The following GAREM2 variants were observed in gnomAD, a reference collection of about 807,000 sequenced individuals.
GAREM2 encodes GRB2 associated regulator of MAPK1 subtype 2.
In GAREM2, 30 loss-of-function variants were observed where a neutral mutation model predicts 55.6. That is an observed-to-expected ratio of 0.54 (90% CI 0.40 to 0.73). GAREM2 has a LOEUF of 0.73. GAREM2 is among the 30% of genes least tolerant of loss of function. The pLI is 0.00. For missense variants in GAREM2, 1,075 were observed against 1,257.7 expected, an observed-to-expected ratio of 0.85 and a Z score of 2.20; for synonymous variants, 550 against 569.1, an observed-to-expected ratio of 0.97 and a Z score of 0.48.
chr2:26,183,887 T>C (rs922681769), intron 3 of GAREM2, among the ~76,000 whole-genome samples: 3 of 152,240 alleles, frequency 2.0e-5, no homozygotes, highest in Non-Finnish European at 2.9e-5. Context: ...AAGACAATGA[T>C]GATAAAAGTC....
chr2:26,194,617 T>C (rs772974748), downstream of GAREM2: 1 of 1,610,696 alleles, frequency 6.2e-7, no homozygotes, highest in Non-Finnish European at 8.5e-7. Flanking sequence ...AGACACCTGG[T>C]AGTATAGAAG....
chr2:26,185,683 T>A (rs931292356), intron 4 of GAREM2, among the ~76,000 whole-genome samples: 3 of 152,246 alleles, frequency 2.0e-5, no homozygotes, highest in Non-Finnish European at 2.9e-5. Context: ...ATTGGTAGAT[T>A]AAAGGCTCTG....
At chr2:26,177,939 T>A (rs950621363) in intron 2 of GAREM2, among the ~76,000 whole-genome samples, 1 of 152,192 alleles carries the variant, frequency 6.6e-6, no homozygotes, top group African/African-American at 2.4e-5. Flanking sequence ...GTTCTGTGTT[T>A]TTAACTGCTG....
intron 2 of GAREM2, among the ~76,000 whole-genome samples, chr2:26,180,269 C>T (rs953438907): frequency 2.0e-5 from 3 of 152,190 alleles, no homozygotes; most frequent in Non-Finnish European, 4.4e-5. Flanking sequence ...CTGGGTCTCT[C>T]GCTGGGTTTA....
intron 1 of GAREM2, 25 bp from the exon 2 acceptor site, chr2:26,176,319 C>T (rs553375469): frequency 1.3e-6 from 2 of 1,506,968 alleles, no homozygotes; most frequent in African/African-American, 2.8e-5. Flanking sequence ...TTCCCCTCAT[C>T]CTCTGTCCTC....
chr2:26,184,357 G>T lies in GAREM2; in HGVS notation c.509G>T (p.Arg170Leu). 1 of 1,547,874 alleles carries T rather than the reference G, an allele frequency of 6.5e-7. No homozygotes were observed. Among genetic ancestry groups the T allele is most frequent in the South Asian group, 1.2e-5 (1 of 84,022 alleles). ...LCAKTTKERSRFTTLLRKLGR... is the reference protein window; with the variant it reads ...LCAKTTKERSLFTTLLRKLGR... ...GCCAAGACCACCAAGGAGCGCTCGC[G>T]CTTCACCACCCTCCTGCGAAAGCTG... The change falls in exon 4 of 6, where the codon CGC becomes CTC. Residue 170 changes from arginine (R) to leucine (L), a missense_variant. Arg to Leu is a moderately radical substitution (Grantham distance 102). Around this residue, in one of 6 missense-constraint regions of GAREM2, gnomAD observed 230 missense variants for 310.6 expected, o/e 0.74. Coordinates refer to ENST00000401533, the MANE Select transcript of GAREM2 (RefSeq NM_001168241.2).
chr2:26,203,084 T>G, the GAREM2 span, among the ~76,000 whole-genome samples: 1 of 152,228 alleles, frequency 6.6e-6, no homozygotes, highest in Non-Finnish European at 1.5e-5. Context: ...GCATGCTAGT[T>G]TCAGGGCACT....
At chr2:26,195,416 C>T in the GAREM2 span, among the ~76,000 whole-genome samples, 1 of 152,036 alleles carries the variant, frequency 6.6e-6, no homozygotes, top group Non-Finnish European at 1.5e-5. Context: ...AGGGAGAGCA[C>T]ATTGGAATCC....
At chr2:26,180,272 T>C (rs543937783) in intron 2 of GAREM2, among the ~76,000 whole-genome samples, 1 of 152,334 alleles carries the variant, frequency 6.6e-6, no homozygotes, top group South Asian at 2.1e-4. Flanking sequence ...GGTCTCTCGC[T>C]GGGTTTAGGG....
In GAREM2 at chr2:26,187,461, G is replaced by A; in HGVS notation, c.1829G>A (p.Ser610Asn). Residue 610 changes from serine to asparagine, a missense_variant, in exon 6 of 6, where the codon AGC (serine) becomes AAC (asparagine). Physicochemically the swap from Ser to Asn is conservative, Grantham distance 46 (BLOSUM62 1). Transcript: ENST00000401533. ...GADTPVKTYH[S>N]CPPLFKPSHP... ...GACACCCCTGTTAAGACCTACCACA[G>A]CTGCCCTCCTCTATTCAAGCCCTCA... 6.5e-7 allele frequency: 1 copy of A among 1,548,280 alleles called. No individual in the cohort carries two copies. Among genetic ancestry groups the A allele is most frequent in the Non-Finnish European group, 8.7e-7 (1 of 1,145,440 alleles).
intron 1 of GAREM2, among the ~76,000 whole-genome samples, chr2:26,175,973 G>A (rs111530518): frequency 0.052 from 7,917 of 152,294 alleles, 284 homozygotes; most frequent in Non-Finnish European, 0.073. Context: ...AACTTGCCTA[G>A]TCTCTGGTAC....
the GAREM2 span, chr2:26,197,566 A>T: frequency 2.8e-6 from 2 of 718,702 alleles, no homozygotes; most frequent in Non-Finnish European, 5.1e-6. Context: ...TATTGTGTCC[A>T]GTGTTTAGGA....
In GAREM2 at chr2:26,186,365, C is replaced by T. The variant is rs777424902; in HGVS notation, c.1598+7C>T. On this transcript the variant is annotated splice_region_variant and intron_variant, in intron 5 of 5. Transcript: ENST00000401533. Reference sequence around the variant, plus strand: ...CCTCTGGCCTCCAGGATGGGTGAGTCCCTGCCTTCCCTTGGTCCTGAGTTC... The same window carrying T: ...CCTCTGGCCTCCAGGATGGGTGAGTTCCTGCCTTCCCTTGGTCCTGAGTTC... The T allele has an allele frequency of 3.0e-5, 46 of 1,551,260 alleles. No individual in the cohort carries two copies. The highest frequency in any genetic ancestry group is 4.0e-5 in the Non-Finnish European group (46 of 1,146,604).
chr2:26,199,876 C>T, the GAREM2 span, among the ~76,000 whole-genome samples: 1 of 152,122 alleles, frequency 6.6e-6, no homozygotes, highest in Non-Finnish European at 1.5e-5. Flanking sequence ...AGTGAGGTGC[C>T]CCAACCGAGC....
At position 26,187,356 on chromosome 2, in the gene GAREM2, C is replaced by A; in HGVS notation, c.1724C>A (p.Pro575His). 6.5e-7 allele frequency: 1 copy of A among 1,546,874 alleles called. No individual in the cohort carries two copies. The highest frequency in any genetic ancestry group is 2.5e-5 in the East Asian group (1 of 40,788). The change falls in exon 6 of 6, where the codon CCC becomes CAC. Residue 575 changes from proline (P) to histidine (H), a missense_variant. This residue lies in a region of GAREM2 where 515 missense variants were observed against 501.5 expected (regional missense o/e 1.03). Transcript: ENST00000401533. ...SSSRPAPGPL[P>H]STTQPSQASR... ...AGCCGCCCAGCCCCCGGTCCCCTACCCTCAACCACACAGCCCAGCCAGGCC... is the reference window on the plus strand; with the variant it reads ...AGCCGCCCAGCCCCCGGTCCCCTACACTCAACCACACAGCCCAGCCAGGCC...
chr2:26,190,439 ACTC>A (rs1669457719), downstream of GAREM2, among the ~76,000 whole-genome samples: 1 of 151,800 alleles, frequency 6.6e-6, no homozygotes, highest in South Asian at 2.1e-4. Flanking sequence ...GGGGGTCAGC[ACTC>A]CTCATGCTGC....
chr2:26,194,658 G>A (rs753934995), downstream of GAREM2: 6 of 1,531,002 alleles, frequency 3.9e-6, no homozygotes, highest in South Asian at 1.1e-5. Flanking sequence ...AAGAGAACAT[G>A]AGCTCCCTGG....
At chr2:26,196,974 A>G in the GAREM2 span, among the ~76,000 whole-genome samples, 2 of 152,256 alleles carry the variant, frequency 1.3e-5, no homozygotes, top group Non-Finnish European at 1.5e-5. Context: ...ATTACCTTGC[A>G]TTAGCAAGCT....
chr2:26,191,166 T>C, downstream of GAREM2: 1 of 1,396,846 alleles, frequency 7.2e-7, no homozygotes, highest in South Asian at 1.2e-5. Context: ...GTTACTCTGA[T>C]AAATCTAGAC....
Sources: gnomAD v4.1 joint callset for allele counts (sites outside exome capture counted in the v4.1 genomes callset) on GRCh38, gnomAD v4.1.1 for gene constraint, gnomAD v4.1.1 regional missense constraint, MANE v1.5 for transcripts, NCBI Gene and HGNC (gene_info 2026-07-23, HGNC 2026-07-21) for gene names.